Variants in C2CD5 observed in about 807,000 individuals in gnomAD.
C2CD5 encodes the protein C2 domain-containing protein 5.
In C2CD5, 109 loss-of-function variants were observed where a neutral mutation model predicts 130.3. The observed-to-expected ratio is 0.84, with a 90% CI of 0.72 to 0.98. C2CD5 has a LOEUF of 0.98. Ranked by LOEUF, C2CD5 falls within the 50% of genes least tolerant of loss-of-function variation. The pLI is 0.00. For missense variants in C2CD5, 996 were observed against 1,261.8 expected (o/e 0.79, Z 3.19); for synonymous variants, 454 against 429.2 (o/e 1.06, Z -0.71).
chr12:22,504,135 C>T (rs114122039), intron 10 of C2CD5, among the ~76,000 whole-genome samples: 72 of 151,174 alleles, frequency 4.8e-4, no homozygotes, highest in African/African-American at 1.6e-3. Context: ...CATGAACTGG[C>T]ACATAAAATA....
intron 16 of C2CD5, among the ~76,000 whole-genome samples, chr12:22,474,491 T>G (rs1281039321): frequency 6.6e-6 from 1 of 152,146 alleles, no homozygotes; most frequent in East Asian, 1.9e-4. Flanking sequence ...CTTCAAAGGT[T>G]TAATACTATT....
rs564104874 is a variant in C2CD5, at chr12:22,490,147, G to A, written c.1334C>T (p.Thr445Ile). Residue 445 changes from threonine to isoleucine, a missense_variant, in exon 12 of 27, where the codon ACC (threonine) becomes ATC (isoleucine). Transcript: ENST00000446597. ...CCTCTGTTCCAAACAGCCTTCCACG[G>A]TGCCATCCTGCAGAAATCTAGGATT... ...VLNPRFLQDG[T>I]VEGCLEQRLE... 1.3e-5 allele frequency: 21 copies of A among 1,613,368 alleles called. No homozygotes were observed. The South Asian group carries it at 1.5e-4, about 12-fold the overall frequency.
intron 22 of C2CD5, among the ~76,000 whole-genome samples, chr12:22,464,826 A>G (rs1380872956): frequency 6.6e-6 from 1 of 152,198 alleles, no homozygotes; most frequent in African/African-American, 2.4e-5. Flanking sequence ...ATAAGGAATT[A>G]TATATAGTCA....
chr12:22,496,842 G>A (rs1209313164), intron 10 of C2CD5, among the ~76,000 whole-genome samples: 1 of 151,894 alleles, frequency 6.6e-6, no homozygotes, highest in Non-Finnish European at 1.5e-5. Context: ...CCTCACTGAT[G>A]TCTCTTTTAG....
chr12:22,529,973 A>G (rs1207595661), intron 3 of C2CD5, among the ~76,000 whole-genome samples: 2 of 151,196 alleles, frequency 1.3e-5, no homozygotes, highest in African/African-American at 2.4e-5. Flanking sequence ...TGGAGTCCCA[A>G]ATGACTGCGT....
chr12:22,486,042 T>C (rs1055403057), intron 12 of C2CD5, among the ~76,000 whole-genome samples: 1 of 152,130 alleles, frequency 6.6e-6, no homozygotes, highest in African/African-American at 2.4e-5. Context: ...ACTTAAGTCC[T>C]GTTAAGTCCT....
intron 11 of C2CD5, among the ~76,000 whole-genome samples, chr12:22,491,007 G>C (rs1313021163): frequency 6.6e-6 from 1 of 152,148 alleles, no homozygotes; most frequent in African/African-American, 2.4e-5. Context: ...TTAAAGTGTA[G>C]GTAGGAATTA....
chr12:22,461,632 G>T (rs1423146564), intron 22 of C2CD5, among the ~76,000 whole-genome samples: 1 of 152,158 alleles, frequency 6.6e-6, no homozygotes. Flanking sequence ...GCCTCTTGGG[G>T]AAGGAAATGG....
chr12:22,474,351 TACTAC>T (rs148269935), intron 16 of C2CD5, among the ~76,000 whole-genome samples: 5,777 of 152,112 alleles, frequency 0.038, 367 homozygotes, highest in African/African-American at 0.13. Context: ...AGTAAGAAAA[TACTAC>T]ACTCAGAATT....
chr12:22,508,153 G>A (rs2136761208), intron 9 of C2CD5, among the ~76,000 whole-genome samples: 1 of 152,248 alleles, frequency 6.6e-6, no homozygotes. Flanking sequence ...AAAGCTATCA[G>A]TCCTGTGCAC....
rs750619509 is a variant in C2CD5, at chr12:22,525,721, G to C, written c.350-16C>G. On this transcript the variant is annotated splice_polypyrimidine_tract_variant and intron_variant, in intron 4 of 26. Transcript: ENST00000446597. The stretch of plus-strand genomic sequence containing the variant: ...CCACGGATACCTATAAATTTAAAAA[G>C]AAAATCAAGTTTCTACCTTAAGAAA... The C allele has an allele frequency of 5.0e-6, 6 of 1,202,536 alleles. No individual in the cohort carries two copies. Among genetic ancestry groups the C allele is most frequent in the Non-Finnish European group, 6.2e-6 (5 of 812,040 alleles). 74.5% of individuals were successfully genotyped at this position (1,202,536 alleles called of 1,614,324 possible).
At chr12:22,525,567 A>C (rs1360332676) in intron 5 of C2CD5, 43 bp downstream of exon 5, 1 of 904,558 alleles carries the variant, frequency 1.1e-6, no homozygotes, top group Non-Finnish European at 1.9e-6. Flanking sequence ...CATATTTAAC[A>C]GTTATTACAT....
chr12:22,470,322 T>C (rs1240685988), intron 21 of C2CD5, among the ~76,000 whole-genome samples: 1 of 152,124 alleles, frequency 6.6e-6, no homozygotes, highest in Non-Finnish European at 1.5e-5. Context: ...GTATCCCCCA[T>C]TATGTGTTTT....
Position 22,461,869 on chromosome 12 carries a change from C to T in C2CD5, c.2534-2327G>A, listed in dbSNP as rs535742928. 5.3e-5 allele frequency among the ~76,000 whole-genome samples: 8 copies of T among 152,216 alleles called. No homozygotes were observed. The South Asian group carries it at 8.3e-4, about 16-fold the overall frequency. On this transcript the variant is annotated intron_variant, in intron 22 of 26. Coordinates refer to ENST00000446597, the MANE Select transcript of C2CD5 (RefSeq NM_001286176.2). Reference sequence around the variant, plus strand: ...TTTCACTTAGGGAGAGCAGGTTCATCTTTTAACATGCTTGCTATCTTAATT... The same window carrying T: ...TTTCACTTAGGGAGAGCAGGTTCATTTTTTAACATGCTTGCTATCTTAATT...
intron 26 of C2CD5, among the ~76,000 whole-genome samples, chr12:22,451,564 G>A (rs896973646): frequency 1.3e-4 from 20 of 152,100 alleles, no homozygotes; most frequent in Non-Finnish European, 2.2e-4. Flanking sequence ...ACGACTGGTG[G>A]TGGAAAATCT....
intron 19 of C2CD5, 29 bp from the exon 20 acceptor site, chr12:22,471,517 A>G: frequency 7.8e-7 from 1 of 1,278,068 alleles, no homozygotes; most frequent in Non-Finnish European, 1.1e-6. Flanking sequence ...TAGTAATGTC[A>G]CTTTTTTATT....
intron 11 of C2CD5, among the ~76,000 whole-genome samples, chr12:22,492,304 C>T (rs1946455766): frequency 6.6e-6 from 1 of 151,474 alleles, no homozygotes; most frequent in Non-Finnish European, 1.5e-5. Flanking sequence ...GGCAAAAGAA[C>T]AAAAAAAGCC....
chr12:22,482,498 C>T (rs1944877611), intron 14 of C2CD5, 59 bp downstream of exon 14: 2 of 1,387,208 alleles, frequency 1.4e-6, no homozygotes, highest in Non-Finnish European at 1.0e-6. Context: ...AATCACATAA[C>T]ATAGAATCTA....
At chr12:22,498,097 T>C (rs1355856120) in intron 10 of C2CD5, among the ~76,000 whole-genome samples, 2 of 152,128 alleles carry the variant, frequency 1.3e-5, no homozygotes, top group East Asian at 1.9e-4. Flanking sequence ...GCTGTATAAG[T>C]ACTTTAGGTA....
Sources: allele counts gnomAD v4.1 joint callset (sites outside exome capture counted in the v4.1 genomes callset), GRCh38; gene constraint gnomAD v4.1.1; transcripts MANE v1.5; gene names NCBI Gene and HGNC (gene_info 2026-07-23, HGNC 2026-07-21).